Variants in PDE3B observed in about 807,000 individuals in gnomAD.
PDE3B encodes the protein cGMP-inhibited 3',5'-cyclic phosphodiesterase 3B.
Under a neutral mutation model 116.8 loss-of-function variants are expected in PDE3B, and 66 were observed. The ratio of observed to expected loss-of-function variants is 0.56; its 90% CI spans 0.46 to 0.69. The LOEUF (loss-of-function observed/expected upper bound fraction) is 0.69, where lower values mean the gene tolerates loss of function less well. Among genes scored for constraint, PDE3B ranks in the 30% least tolerant of loss-of-function variants. The probability of loss-of-function intolerance (pLI) is 0.00; values close to 1 mark genes in which losing one functional copy is unlikely to be tolerated. For missense variants in PDE3B, 1,384 were observed against 1,368.1 expected (o/e 1.01, Z -0.18); for synonymous variants, 595 against 533.6 (o/e 1.12, Z -1.59).
intron 5 of PDE3B, among the ~76,000 whole-genome samples, chr11:14,814,134 A>T (rs1057453554): frequency 4.6e-5 from 7 of 152,200 alleles, no homozygotes; most frequent in African/African-American, 7.2e-5. Flanking sequence ...TAAAGTATCT[A>T]TCAAAAATGT....
intron 12 of PDE3B, among the ~76,000 whole-genome samples, chr11:14,845,267 C>CT (rs1254630120): frequency 2.0e-5 from 3 of 152,134 alleles, no homozygotes; most frequent in Non-Finnish European, 4.4e-5. Flanking sequence ...AACAGACCTG[C>CT]AGCTGAGGGT....
At chr11:14,663,122 C>A (rs1413385995) in intron 1 of PDE3B, among the ~76,000 whole-genome samples, 1 of 152,074 alleles carries the variant, frequency 6.6e-6, no homozygotes, top group East Asian at 1.9e-4. Flanking sequence ...AGCAGAAACT[C>A]TACAAGCCAG....
intron 1 of PDE3B, among the ~76,000 whole-genome samples, chr11:14,674,717 GA>G (rs925676466): frequency 6.6e-6 from 1 of 152,130 alleles, no homozygotes; most frequent in African/African-American, 2.4e-5. Flanking sequence ...ACCCTCATAG[GA>G]AAAATATTGA....
At chr11:14,680,145 G>T (rs1854657114) in intron 1 of PDE3B, among the ~76,000 whole-genome samples, 1 of 152,150 alleles carries the variant, frequency 6.6e-6, no homozygotes, top group Non-Finnish European at 1.5e-5. Context: ...TGCCCCAGGG[G>T]ATCCTTTGGA....
intron 14 of PDE3B, among the ~76,000 whole-genome samples, chr11:14,864,096 G>A (rs1374647856): frequency 3.3e-5 from 5 of 152,094 alleles, no homozygotes; most frequent in African/African-American, 1.2e-4. Flanking sequence ...TCAAAATAAA[G>A]GGATGGAGAA....
At chr11:14,726,586 A>AT in intron 1 of PDE3B, among the ~76,000 whole-genome samples, 1 of 152,296 alleles carries the variant, frequency 6.6e-6, no homozygotes, top group South Asian at 2.1e-4. Flanking sequence ...CCTTTCGCTG[A>AT]TTTTTCATTT....
chr11:14,671,449 G>T (rs527957647), intron 1 of PDE3B, among the ~76,000 whole-genome samples: 1 of 152,244 alleles, frequency 6.6e-6, no homozygotes, highest in South Asian at 2.1e-4. Flanking sequence ...AGAGAGTGGT[G>T]GGAGTGGTAA....
At chr11:14,824,581 A>G (rs1326306771) in intron 7 of PDE3B, among the ~76,000 whole-genome samples, 1 of 152,218 alleles carries the variant, frequency 6.6e-6, no homozygotes, top group African/African-American at 2.4e-5. Context: ...AAGTAAGACA[A>G]AAATTATTTT....
Position 14,691,557 on chromosome 11 carries a change from A to G in PDE3B, c.978+46504A>G, listed in dbSNP as rs1682946507. 2.0e-5 allele frequency among the ~76,000 whole-genome samples: 3 copies of G among 152,144 alleles called. No homozygotes were observed. The South Asian group carries it at 6.2e-4, about 31-fold the overall frequency. On this transcript the variant is annotated intron_variant, in intron 1 of 15. Coordinates refer to ENST00000282096, the MANE Select transcript of PDE3B (RefSeq NM_000922.4). ...AGAATTGTCAGGTAGGATATTTATTATTATTTTTTCCATTTAACTCATCAA... is the reference window on the plus strand; with the variant it reads ...AGAATTGTCAGGTAGGATATTTATTGTTATTTTTTCCATTTAACTCATCAA...
chr11:14,681,757 G>A (rs1854716824), intron 1 of PDE3B, among the ~76,000 whole-genome samples: 1 of 152,112 alleles, frequency 6.6e-6, no homozygotes, highest in South Asian at 2.1e-4. Flanking sequence ...TTTGTATTCT[G>A]TGATGTTGCT....
At chr11:14,665,765 G>A (rs912652668) in intron 1 of PDE3B, among the ~76,000 whole-genome samples, 2 of 152,110 alleles carry the variant, frequency 1.3e-5, no homozygotes, top group Admixed American at 6.5e-5. Context: ...ACAAACCACT[G>A]CTCAATGAAA....
At chr11:14,826,481 A>G (rs1028634814) in intron 7 of PDE3B, among the ~76,000 whole-genome samples, 1 of 152,178 alleles carries the variant, frequency 6.6e-6, no homozygotes, top group South Asian at 2.1e-4. Flanking sequence ...AGAGACTACT[A>G]TGAACACCTC....
intron 5 of PDE3B, among the ~76,000 whole-genome samples, chr11:14,810,513 C>T (rs1482196498): frequency 6.6e-6 from 1 of 152,052 alleles, no homozygotes. Flanking sequence ...TTTTTTATGG[C>T]TGCATAGTAT....
intron 1 of PDE3B, among the ~76,000 whole-genome samples, chr11:14,653,652 GA>G (rs1853627893): frequency 6.6e-6 from 1 of 151,978 alleles, no homozygotes; most frequent in African/African-American, 2.4e-5. Context: ...TTATTATGAT[GA>G]AAGAAATAAA....
At chr11:14,738,692 A>G (rs1470246733) in intron 1 of PDE3B, among the ~76,000 whole-genome samples, 2 of 152,166 alleles carry the variant, frequency 1.3e-5, no homozygotes, top group African/African-American at 4.8e-5. Context: ...TATGTCCTGA[A>G]TGGTATTGCC....
intron 7 of PDE3B, among the ~76,000 whole-genome samples, chr11:14,825,850 G>A (rs1444049503): frequency 1.3e-5 from 2 of 151,912 alleles, no homozygotes; most frequent in Non-Finnish European, 2.9e-5. Context: ...ATTGCCACAT[G>A]GTACATATTC....
intron 1 of PDE3B, among the ~76,000 whole-genome samples, chr11:14,701,289 T>G (rs965555502): frequency 1.3e-5 from 2 of 151,768 alleles, no homozygotes; most frequent in Non-Finnish European, 3.0e-5. Context: ...GAATAGTAAT[T>G]ATATTATCTG....
intron 12 of PDE3B, among the ~76,000 whole-genome samples, chr11:14,849,885 T>C (rs1847704101): frequency 6.6e-6 from 1 of 151,548 alleles, no homozygotes; most frequent in African/African-American, 2.4e-5. Flanking sequence ...TTTACACTGT[T>C]GGTGGGACTG....
chr11:14,743,024 G>A (rs992565028), intron 1 of PDE3B, among the ~76,000 whole-genome samples: 18 of 152,258 alleles, frequency 1.2e-4, no homozygotes, highest in African/African-American at 1.9e-4. Context: ...AGATTTCTCC[G>A]AGTCAGGAGG....
Sources: gnomAD v4.1 joint callset for allele counts (sites outside exome capture counted in the v4.1 genomes callset) on GRCh38, gnomAD v4.1.1 for gene constraint, MANE v1.5 for transcripts, NCBI Gene and HGNC (gene_info 2026-07-23, HGNC 2026-07-21) for gene names.